The following RPS29 variants were observed in gnomAD, a reference collection of about 807,000 sequenced individuals.
The protein encoded by RPS29 is small ribosomal subunit protein uS14.
For synonymous variants in RPS29, 37 were observed against 26.9 expected (o/e 1.37, Z -1.16); for missense variants, 60 against 75.7 (o/e 0.79, Z 0.77).
chr14:49,586,705 C>T (rs376634206), upstream of RPS29: 51 of 272,024 alleles, frequency 1.9e-4, no homozygotes, highest in African/African-American at 8.6e-4. Flanking sequence ...CTAAGTTCGG[C>T]ATCAATATGG....
chr14:49,595,711 G>T (rs1037008912), intron 1 of RPS29, among the ~76,000 whole-genome samples: 2 of 151,922 alleles, frequency 1.3e-5, no homozygotes, highest in African/African-American at 4.8e-5. Flanking sequence ...CAAATGAAAA[G>T]TTGAAAGAAA....
downstream of RPS29, among the ~76,000 whole-genome samples, chr14:49,581,872 ATAT>A (rs1881344567): frequency 6.6e-6 from 1 of 151,894 alleles, no homozygotes; most frequent in Non-Finnish European, 1.5e-5. Flanking sequence ...AAAACACAAA[ATAT>A]TATCCTGGCA....
At chr14:49,588,419 C>T (rs1039807775), upstream of RPS29, among the ~76,000 whole-genome samples, 1 of 152,244 alleles carries the variant, frequency 6.6e-6, no homozygotes, top group African/African-American at 2.4e-5. Context: ...GTGACACCAT[C>T]TATCCCAAAC....
At chr14:49,579,877 G>A (rs1281393909), downstream of RPS29, among the ~76,000 whole-genome samples, 4 of 152,034 alleles carry the variant, frequency 2.6e-5, no homozygotes, top group Non-Finnish European at 5.9e-5. Context: ...CAGTCGTTTT[G>A]TCTCTTTCTT....
At chr14:49,575,170 A>G (rs1209414442) in exon 3 of RPS29, 1 of 152,348 alleles carries the variant, frequency 6.6e-6, no homozygotes, top group East Asian at 1.9e-4. Context: ...CCTCCTGAGT[A>G]GCTGAGATTA....
chr14:49,573,465 T>TAAAAAA (rs1881105789), exon 3 of RPS29: 1 of 56,542 alleles, frequency 1.8e-5, no homozygotes, highest in Non-Finnish European at 3.4e-5. Flanking sequence ...AGAGTTAGAA[T>TAAAAAA]CAAAAAAAAA....
At chr14:49,582,017 A>C (rs866842581), downstream of RPS29, among the ~76,000 whole-genome samples, 57,533 of 142,356 alleles carry the variant, frequency 0.4, 13,202 homozygotes, top group Non-Finnish European at 0.52. Context: ...CCCCCCAAAA[A>C]AAAAAAAAAA....
chr14:49,596,659 GTT>G (rs1422433789), intron 1 of RPS29, among the ~76,000 whole-genome samples: 1 of 151,846 alleles, frequency 6.6e-6, no homozygotes, highest in Admixed American at 6.6e-5. Context: ...ATATACCACT[GTT>G]TCACTCTAAA....
chr14:49,596,278 A>T (rs1243757808), intron 1 of RPS29, among the ~76,000 whole-genome samples: 5 of 152,196 alleles, frequency 3.3e-5, no homozygotes, highest in Admixed American at 3.3e-4. Flanking sequence ...TAAATGTTAT[A>T]TCTTTTATTT....
chr14:49,582,018 A>ACCC (rs1566478916), downstream of RPS29, among the ~76,000 whole-genome samples: 2 of 147,714 alleles, frequency 1.4e-5, no homozygotes, highest in African/African-American at 4.9e-5. Context: ...CCCCCAAAAA[A>ACCC]AAAAAAAAAA....
At chr14:49,586,569 G>A (rs116500768), upstream of RPS29, 212 of 562,886 alleles carry the variant, frequency 3.8e-4, no homozygotes, top group African/African-American at 1.9e-3. Context: ...ATTCTGCGCC[G>A]GTATCCGACC....
At chr14:49,598,415 A>ATT (rs1229796337) in exon 1 of RPS29, 4 of 697,412 alleles carry the variant, frequency 5.7e-6, no homozygotes, top group Non-Finnish European at 1.0e-5. Flanking sequence ...ATGAAAAATT[A>ATT]TTTGTTCAGC....
downstream of RPS29, among the ~76,000 whole-genome samples, chr14:49,583,380 T>A (rs541490583): frequency 6.6e-6 from 1 of 151,808 alleles, no homozygotes; most frequent in African/African-American, 2.4e-5. Context: ...GAAACCCCCA[T>A]CTCTACTAAA....
chr14:49,583,887 G>A (rs148293651), intron 2 of RPS29, among the ~76,000 whole-genome samples: 78 of 152,276 alleles, frequency 5.1e-4, no homozygotes, highest in African/African-American at 1.6e-3. Context: ...TAACGCTATC[G>A]CACTTCTTCC....
At chr14:49,596,890 C>T (rs1881837075) in intron 1 of RPS29, among the ~76,000 whole-genome samples, 1 of 150,442 alleles carries the variant, frequency 6.6e-6, no homozygotes, top group Non-Finnish European at 1.5e-5. Context: ...AGACGCGCGC[C>T]GCCCCGCCCA....
chr14:49,590,067 G>C (rs543867605), upstream of RPS29, among the ~76,000 whole-genome samples: 3 of 152,182 alleles, frequency 2.0e-5, no homozygotes, highest in Admixed American at 2.0e-4. Flanking sequence ...GTGAGGATTC[G>C]AAAAGTACCT....
At chr14:49,593,971 G>A (rs1881768941) in intron 1 of RPS29, among the ~76,000 whole-genome samples, 1 of 152,154 alleles carries the variant, frequency 6.6e-6, no homozygotes, top group South Asian at 2.1e-4. Context: ...TTCTAGTCCT[G>A]TTTATTCTAA....
chr14:49,594,440 A>T (rs1019998423), intron 1 of RPS29, among the ~76,000 whole-genome samples: 19 of 152,336 alleles, frequency 1.2e-4, no homozygotes, highest in African/African-American at 4.3e-4. Flanking sequence ...AAAGTAATGC[A>T]GCTCTGAATT....
Position 49,592,074 on chromosome 14 carries a change from G to A in RPS29, c.-132-5596C>T, listed in dbSNP as rs1182624397. 3.9e-5 allele frequency among the ~76,000 whole-genome samples: 6 copies of A among 152,006 alleles called. No individual in the cohort carries two copies. The East Asian group carries it at 1.2e-3, about 29-fold the overall frequency. On this transcript the variant is annotated intron_variant, in intron 1 of 3. Coordinates refer to the RPS29 transcript ENST00000556230. ...ATTTTTTTAATCCATTGGTAAGCTAGTTTATATATTTATAAATACTTATGT... is the reference window on the plus strand; with the variant it reads ...ATTTTTTTAATCCATTGGTAAGCTAATTTATATATTTATAAATACTTATGT...
Sources: allele counts gnomAD v4.1 joint callset (sites outside exome capture counted in the v4.1 genomes callset), GRCh38; gene constraint gnomAD v4.1.1; transcripts MANE v1.5; gene names NCBI Gene and HGNC (gene_info 2026-07-23, HGNC 2026-07-21).